ZC3H15: variants seen among roughly 807,000 people sequenced by gnomAD.
ZC3H15 encodes zinc finger CCCH-type containing 15, also known as zinc finger CCCH domain-containing protein 15.
In ZC3H15, 15 loss-of-function variants were observed where a neutral mutation model predicts 51.2. The observed-to-expected ratio is 0.29, with a 90% confidence interval of 0.20 to 0.45. The LOEUF (loss-of-function observed/expected upper bound fraction) is 0.45, where lower values mean the gene tolerates loss of function less well. Ranked by LOEUF, ZC3H15 falls within the 20% of genes least tolerant of loss-of-function variation. The pLI is 1.00. For missense variants in ZC3H15, 381 were observed against 494.7 expected (o/e 0.77, Z 2.18); for synonymous variants, 144 against 162.8 (o/e 0.88, Z 0.88).
In ZC3H15 at chr2:186,508,702, A is replaced by T; in HGVS notation, c.1250A>T (p.Glu417Val). Residue 417 changes from glutamate to valine, a missense_variant, in exon 10 of 10, where the codon GAA becomes GTA. Physicochemically the swap from Glu to Val is moderately radical, Grantham distance 121. Transcript: ENST00000337859. ...GGAGAGGATTTGGATGAACTAGAAG[A>T]AGAATTAAATACACTTGATTTAGAA... ...FTGEDLDELE[E>V]ELNTLDLEE 1 of 1,614,060 alleles carries T rather than the reference A, an allele frequency of 6.2e-7. No homozygotes were observed. The highest frequency in any genetic ancestry group is 8.5e-7 in the Non-Finnish European group (1 of 1,179,964).
intron 2 of ZC3H15, 116 bp from the exon 3 acceptor site, chr2:186,500,066 T>C: frequency 2.5e-6 from 2 of 793,970 alleles, no homozygotes; most frequent in Non-Finnish European, 4.0e-6. Context: ...ATAACACTGA[T>C]GTTAAAAGGT....
At chr2:186,496,507 T>A (rs1218423529) in intron 2 of ZC3H15, among the ~76,000 whole-genome samples, 2 of 152,234 alleles carry the variant, frequency 1.3e-5, no homozygotes, top group Non-Finnish European at 2.9e-5. Flanking sequence ...CAGACTAAGT[T>A]TGTTTTCTTT....
chr2:186,497,131 G>A, intron 2 of ZC3H15: 1 of 441,252 alleles, frequency 2.3e-6, no homozygotes, highest in Non-Finnish European at 4.5e-6. Flanking sequence ...TATTTTTAAA[G>A]TACATTTTTC....
intron 1 of ZC3H15, among the ~76,000 whole-genome samples, chr2:186,489,412 A>G (rs183198120): frequency 5.9e-5 from 9 of 152,318 alleles, no homozygotes; most frequent in Non-Finnish European, 8.8e-5. Flanking sequence ...CTCAGTGACT[A>G]TTCCAAGAAG....
At chr2:186,493,230 G>A (rs1157464123) in intron 1 of ZC3H15, among the ~76,000 whole-genome samples, 1 of 152,078 alleles carries the variant, frequency 6.6e-6, no homozygotes. Flanking sequence ...ATCTACTACA[G>A]CTCAGCCAGG....
chr2:186,506,891 G>A, intron 9 of ZC3H15, 55 bp downstream of exon 9: 2 of 1,559,146 alleles, frequency 1.3e-6, no homozygotes, highest in Non-Finnish European at 1.7e-6. Context: ...TCTAAAGGGG[G>A]TTATACCAGG....
intron 1 of ZC3H15, among the ~76,000 whole-genome samples, chr2:186,487,675 G>A (rs1685122919): frequency 6.6e-6 from 1 of 152,136 alleles, no homozygotes; most frequent in Non-Finnish European, 1.5e-5. Context: ...TGGATTCGTG[G>A]CACTTAGGTA....
intron 2 of ZC3H15, among the ~76,000 whole-genome samples, chr2:186,498,106 TG>T (rs763410741): frequency 6.6e-5 from 10 of 152,348 alleles, no homozygotes; most frequent in South Asian, 2.1e-4. Flanking sequence ...TGCCCATCTC[TG>T]TCCATTGTGC....
intron 2 of ZC3H15, 54 bp from the exon 3 acceptor site, chr2:186,500,128 A>G: frequency 6.6e-7 from 1 of 1,507,152 alleles, no homozygotes; most frequent in Non-Finnish European, 9.0e-7. Context: ...ACTTTGTAGT[A>G]AAAACAATTT....
chr2:186,505,299 G>A (rs545365944), intron 6 of ZC3H15, 152 bp from the exon 7 acceptor site: 37 of 878,950 alleles, frequency 4.2e-5, no homozygotes, highest in African/African-American at 2.4e-4. Flanking sequence ...TCATTGCCAC[G>A]TAAAGTAAAA....
chr2:186,486,629 T>G (rs141322154), intron 1 of ZC3H15, among the ~76,000 whole-genome samples, 172 bp downstream of exon 1: 1 of 152,046 alleles, frequency 6.6e-6, no homozygotes, highest in African/African-American at 2.4e-5. Flanking sequence ...CTCTCATTAC[T>G]ATAGTGACGC....
chr2:186,506,378 G>A (rs1451659499), intron 8 of ZC3H15, among the ~76,000 whole-genome samples: 1 of 152,142 alleles, frequency 6.6e-6, no homozygotes, highest in Non-Finnish European at 1.5e-5. Context: ...AAAATGTGAT[G>A]GCAGAGGAAG....
At chr2:186,502,840 C>T (rs911732319) in intron 5 of ZC3H15, among the ~76,000 whole-genome samples, 1 of 152,086 alleles carries the variant, frequency 6.6e-6, no homozygotes, top group African/African-American at 2.4e-5. Context: ...CTGAGGTGAA[C>T]GTTCTCAAAT....
intron 1 of ZC3H15, among the ~76,000 whole-genome samples, chr2:186,493,880 A>C (rs1015071719): frequency 6.8e-6 from 1 of 147,910 alleles, no homozygotes; most frequent in African/African-American, 2.5e-5. Flanking sequence ...TTAATCTAGT[A>C]TGATGTCATC....
chr2:186,502,067 G>A (rs1200470492), intron 4 of ZC3H15, among the ~76,000 whole-genome samples: 2 of 151,916 alleles, frequency 1.3e-5, no homozygotes, highest in African/African-American at 4.8e-5. Context: ...AAAACCGTGA[G>A]GCCAGGAGCA....
intron 6 of ZC3H15, 129 bp downstream of exon 6, chr2:186,504,343 T>A: frequency 1.3e-6 from 1 of 778,214 alleles, no homozygotes; most frequent in Non-Finnish European, 1.8e-6. Flanking sequence ...TTCCCAAAGT[T>A]GCCCTACTTT....
At chr2:186,497,337 C>A (rs1434472248) in intron 2 of ZC3H15, among the ~76,000 whole-genome samples, 1 of 152,178 alleles carries the variant, frequency 6.6e-6, no homozygotes, top group Non-Finnish European at 1.5e-5. Flanking sequence ...ATTTTCCCAG[C>A]TTGATTCTAG....
intron 6 of ZC3H15, 25 bp downstream of exon 6, chr2:186,504,239 T>TA: frequency 6.6e-7 from 1 of 1,522,742 alleles, no homozygotes; most frequent in Non-Finnish European, 8.8e-7. Flanking sequence ...TTTCCTACCA[T>TA]AAAAACTGAA....
intron 8 of ZC3H15, 48 bp downstream of exon 8, chr2:186,505,889 C>T (rs1311984437): frequency 7.0e-6 from 11 of 1,578,620 alleles, no homozygotes; most frequent in Non-Finnish European, 9.5e-6. Flanking sequence ...TTGAAAGAAA[C>T]AATAGAAAAT....
Sources: gnomAD v4.1 joint callset for allele counts (sites outside exome capture counted in the v4.1 genomes callset) on GRCh38, gnomAD v4.1.1 for gene constraint, MANE v1.5 for transcripts, NCBI Gene and HGNC (gene_info 2026-07-23, HGNC 2026-07-21) for gene names.